NRG3: variants seen among roughly 807,000 people sequenced by gnomAD.
NRG3 encodes the protein neuregulin 3.
Under a neutral mutation model 66.9 loss-of-function variants are expected in NRG3, and 31 were observed. The ratio of observed to expected loss-of-function variants is 0.46; its 90% CI spans 0.35 to 0.63. NRG3 has a LOEUF of 0.63. Among genes scored for constraint, NRG3 ranks in the 20% least tolerant of loss-of-function variants. NRG3 has a pLI of 0.00. For missense variants in NRG3, 910 were observed against 878.9 expected (o/e 1.04, Z -0.45); for synonymous variants, 393 against 359.4 (o/e 1.09, Z -1.06).
In NRG3 at chr10:82,946,907, T is replaced by C. The variant is rs1318539194; in HGVS notation, c.1055-4562T>C. 5.3e-5 allele frequency among the ~76,000 whole-genome samples: 8 copies of C among 152,282 alleles called. No individual in the cohort carries two copies. In the East Asian group the frequency reaches 1.4e-3, roughly 26 times the overall value. On this transcript the variant is annotated intron_variant, in intron 4 of 8. Transcript: ENST00000372141. Reference sequence around the variant, plus strand: ...ATATTCTGCATATTCGACATATTCTTTGCATATTCTTTGTATTCTTTTGTA... The same window carrying C: ...ATATTCTGCATATTCGACATATTCTCTGCATATTCTTTGTATTCTTTTGTA...
chr10:82,064,406 C>A (rs937200929), intron 1 of NRG3, among the ~76,000 whole-genome samples: 2 of 151,388 alleles, frequency 1.3e-5, no homozygotes, highest in Non-Finnish European at 2.9e-5. Flanking sequence ...CAATAAAAAT[C>A]CCATTCACTA....
intron 3 of NRG3, among the ~76,000 whole-genome samples, chr10:82,740,239 TC>T (rs1308066627): frequency 6.6e-6 from 1 of 150,804 alleles, no homozygotes; most frequent in Non-Finnish European, 1.5e-5. Context: ...CTTCCTTCCT[TC>T]CTCCCTCCCT....
intron 1 of NRG3, among the ~76,000 whole-genome samples, chr10:82,185,504 A>G (rs1048860994): frequency 2.0e-5 from 3 of 152,194 alleles, no homozygotes; most frequent in Admixed American, 6.5e-5. Flanking sequence ...TGATAGTGAA[A>G]ACAATTCCAA....
At chr10:81,938,641 GCATGCA>G (rs779946238) in intron 1 of NRG3, among the ~76,000 whole-genome samples, 5 of 147,036 alleles carry the variant, frequency 3.4e-5, no homozygotes, top group African/African-American at 1.3e-4. Flanking sequence ...GTGTGTGTGT[GCATGCA>G]TGCATGCATG....
At chr10:82,695,637 A>G (rs911942838) in intron 2 of NRG3, among the ~76,000 whole-genome samples, 1 of 152,062 alleles carries the variant, frequency 6.6e-6, no homozygotes, top group Non-Finnish European at 1.5e-5. Context: ...TCTATTCTTC[A>G]TTTCCAAAAT....
chr10:82,625,963 C>T (rs942012833), intron 2 of NRG3, among the ~76,000 whole-genome samples: 18 of 152,092 alleles, frequency 1.2e-4, no homozygotes, highest in Middle Eastern at 3.2e-3. Flanking sequence ...GTAATAAAGA[C>T]CAATGTAAGG....
intron 1 of NRG3, among the ~76,000 whole-genome samples, chr10:81,997,426 G>T (rs2060982254): frequency 6.6e-6 from 1 of 152,290 alleles, no homozygotes; most frequent in African/African-American, 2.4e-5. Context: ...TTCTCCTCCA[G>T]GAATGGTCAC....
intron 3 of NRG3, among the ~76,000 whole-genome samples, chr10:82,741,573 A>G (rs1023993421): frequency 5.9e-5 from 9 of 152,218 alleles, no homozygotes; most frequent in Non-Finnish European, 1.2e-4. Flanking sequence ...CAAAGGCTTT[A>G]CATGGATTAT....
chr10:82,831,687 A>C (rs1236843428), intron 3 of NRG3, among the ~76,000 whole-genome samples: 1 of 152,058 alleles, frequency 6.6e-6, no homozygotes, highest in Non-Finnish European at 1.5e-5. Context: ...GGTGGCAGGC[A>C]CCTGTAATCC....
chr10:82,694,427 CGTGTTTGTGTGT>C (rs2055208831), intron 2 of NRG3, among the ~76,000 whole-genome samples: 1 of 152,048 alleles, frequency 6.6e-6, no homozygotes, highest in Non-Finnish European at 1.5e-5. Flanking sequence ...TTTATCTTCA[CGTGTTTGTGTGT>C]GTGTTTGTGT....
intron 1 of NRG3, among the ~76,000 whole-genome samples, chr10:82,316,322 A>G (rs1170758109): frequency 1.3e-5 from 2 of 152,198 alleles, no homozygotes; most frequent in African/African-American, 4.8e-5. Context: ...GAACGACTGC[A>G]TTAACAATCA....
intron 1 of NRG3, among the ~76,000 whole-genome samples, chr10:82,204,106 C>CTGAG (rs1452159985): frequency 1.3e-5 from 2 of 152,118 alleles, no homozygotes; most frequent in Non-Finnish European, 2.9e-5. Flanking sequence ...CAATTTAATT[C>CTGAG]TGAGTACAGT....
chr10:82,842,894 A>T (rs2063130868), intron 3 of NRG3, among the ~76,000 whole-genome samples: 1 of 152,080 alleles, frequency 6.6e-6, no homozygotes, highest in Non-Finnish European at 1.5e-5. Context: ...CTAAAACTAT[A>T]TTTTCTTTTA....
chr10:81,891,605 G>A (rs752177995), intron 1 of NRG3, among the ~76,000 whole-genome samples: 8 of 152,132 alleles, frequency 5.3e-5, no homozygotes, highest in Non-Finnish European at 8.8e-5. Context: ...ATTCCTTTGC[G>A]CAATCTTGGT....
chr10:82,038,493 A>G (rs2062892054), intron 1 of NRG3, among the ~76,000 whole-genome samples: 1 of 152,142 alleles, frequency 6.6e-6, no homozygotes, highest in Admixed American at 6.6e-5. Context: ...AATGCTCATA[A>G]GTAAGAAGAT....
intron 1 of NRG3, among the ~76,000 whole-genome samples, chr10:81,897,887 T>C (rs1843665928): frequency 6.6e-6 from 1 of 152,172 alleles, no homozygotes; most frequent in African/African-American, 2.4e-5. Context: ...GTGGGGATGT[T>C]ACTATCTCTA....
At chr10:82,528,274 C>T (rs577433765) in intron 2 of NRG3, among the ~76,000 whole-genome samples, 65 of 151,862 alleles carry the variant, frequency 4.3e-4, no homozygotes, top group Non-Finnish European at 7.8e-4. Flanking sequence ...TATAGAGGTA[C>T]GCTATATTGA....
intron 1 of NRG3, among the ~76,000 whole-genome samples, chr10:82,211,511 T>TCTTG (rs1360504048): frequency 6.6e-6 from 1 of 152,140 alleles, no homozygotes; most frequent in African/African-American, 2.4e-5. Flanking sequence ...TGGCAAAGAA[T>TCTTG]GCAATCCCTC....
chr10:82,752,741 T>TC (rs1784873329), intron 3 of NRG3, among the ~76,000 whole-genome samples: 1 of 152,176 alleles, frequency 6.6e-6, no homozygotes. Flanking sequence ...TTAAAGAGGC[T>TC]CAAGAGCTGC....
Sources: gnomAD v4.1 joint callset for allele counts (sites outside exome capture counted in the v4.1 genomes callset) on GRCh38, gnomAD v4.1.1 for gene constraint, MANE v1.5 for transcripts, NCBI Gene and HGNC (gene_info 2026-07-23, HGNC 2026-07-21) for gene names.